The following TENM3 variants were observed in gnomAD, a reference collection of about 807,000 sequenced individuals.
TENM3 encodes the protein teneurin transmembrane protein 3, also known as teneurin-3.
Under a neutral mutation model 255.1 loss-of-function variants are expected in TENM3, and 63 were observed. The observed-to-expected ratio is 0.25, with a 90% CI of 0.20 to 0.30. The LOEUF (loss-of-function observed/expected upper bound fraction) is 0.30. Ranked by LOEUF, TENM3 falls within the 10% of genes least tolerant of loss-of-function variation. TENM3 has a pLI of 1.00. For missense variants in TENM3, 2,929 were observed against 3,461.1 expected (o/e 0.85, Z 3.86); for synonymous variants, 1,306 against 1,322.3 (o/e 0.99, Z 0.27).
At chr4:181,532,131 C>T in the TENM3 span, among the ~76,000 whole-genome samples, 9 of 152,036 alleles carry the variant, frequency 5.9e-5, no homozygotes, top group Non-Finnish European at 1.2e-4. Flanking sequence ...GGGGTCCCAC[C>T]GGCTGGGTTT....
Position 182,679,650 on chromosome 4 carries a change from C to G in TENM3, c.1327-16C>G. On this transcript the variant is annotated splice_polypyrimidine_tract_variant and intron_variant, in intron 7 of 27. Coordinates refer to ENST00000511685, the MANE Select transcript of TENM3 (RefSeq NM_001080477.4). ...CCCTTTATCTTTCTGACTATTTTTC[C>G]TCGTCCTCCCCCCAGTATGACTTCG... The G allele has an allele frequency of 2.5e-6, 4 of 1,595,366 alleles. No individual in the cohort carries two copies. The highest frequency in any genetic ancestry group is 3.4e-6 in the Non-Finnish European group (4 of 1,169,870).
intron 3 of TENM3, among the ~76,000 whole-genome samples, chr4:182,431,682 G>A (rs1771661000): frequency 6.6e-6 from 1 of 152,208 alleles, no homozygotes; most frequent in African/African-American, 2.4e-5. Context: ...GCCTGCAGGG[G>A]TCAGGGTGGC....
At chr4:182,366,611 T>A (rs1196253265) in intron 3 of TENM3, among the ~76,000 whole-genome samples, 1 of 152,192 alleles carries the variant, frequency 6.6e-6, no homozygotes, top group Non-Finnish European at 1.5e-5. Context: ...AATAAAAATT[T>A]GTGCAGTCAA....
At chr4:182,555,413 A>G (rs1742484857) in intron 3 of TENM3, among the ~76,000 whole-genome samples, 1 of 152,240 alleles carries the variant, frequency 6.6e-6, no homozygotes, top group Non-Finnish European at 1.5e-5. Context: ...GAAAAAAAAT[A>G]GTTGCCTAGA....
At chr4:182,400,883 G>A (rs953414277) in intron 3 of TENM3, among the ~76,000 whole-genome samples, 5 of 152,116 alleles carry the variant, frequency 3.3e-5, no homozygotes, top group African/African-American at 9.7e-5. Context: ...CAGGTTAACC[G>A]TGGATTCATG....
At chr4:182,749,949 C>A (rs541325384) in intron 19 of TENM3, among the ~76,000 whole-genome samples, 2 of 150,102 alleles carry the variant, frequency 1.3e-5, no homozygotes, top group South Asian at 4.3e-4. Flanking sequence ...ACCTGAAAGA[C>A]CAGCTGTGTC....
At chr4:182,667,343 A>C (rs1754788028) in intron 6 of TENM3, among the ~76,000 whole-genome samples, 1 of 151,994 alleles carries the variant, frequency 6.6e-6, no homozygotes, top group Non-Finnish European at 1.5e-5. Flanking sequence ...GGCGCCCGCC[A>C]CCACACCCAG....
chr4:181,807,686 A>G, the TENM3 span, among the ~76,000 whole-genome samples: 1 of 152,206 alleles, frequency 6.6e-6, no homozygotes, highest in Non-Finnish European at 1.5e-5. Flanking sequence ...ATCTTCCAGT[A>G]TAGGATTATT....
chr4:181,525,062 G>GT, the TENM3 span, among the ~76,000 whole-genome samples: 2 of 152,176 alleles, frequency 1.3e-5, no homozygotes, highest in African/African-American at 4.8e-5. Context: ...TTTTTAAGCA[G>GT]TTTTTTAAAA....
chr4:182,082,943 T>G, the TENM3 span, among the ~76,000 whole-genome samples: 4 of 152,178 alleles, frequency 2.6e-5, no homozygotes, highest in Admixed American at 2.0e-4. Flanking sequence ...TTCTCTTTTT[T>G]TGAGATGTCA....
chr4:182,200,164 C>G (rs919884553), intron 1 of TENM3, among the ~76,000 whole-genome samples: 5 of 152,088 alleles, frequency 3.3e-5, no homozygotes, highest in African/African-American at 4.8e-5. Flanking sequence ...GGGGGCGGAA[C>G]AACATGGGAA....
intron 6 of TENM3, among the ~76,000 whole-genome samples, chr4:182,671,207 T>TATAA (rs1481094621): frequency 2.6e-5 from 4 of 152,180 alleles, no homozygotes; most frequent in African/African-American, 7.2e-5. Flanking sequence ...AATCATTATG[T>TATAA]TACTCTCCCC....
the TENM3 span, among the ~76,000 whole-genome samples, chr4:181,730,397 G>A: frequency 1.3e-5 from 2 of 152,188 alleles, no homozygotes; most frequent in African/African-American, 4.8e-5. Context: ...AATCCGAGCC[G>A]ATGGCTCCTA....
At chr4:182,752,071 A>AC in intron 20 of TENM3, 39 bp downstream of exon 20, 1 of 1,045,712 alleles carries the variant, frequency 9.6e-7, no homozygotes, top group Non-Finnish European at 1.3e-6. Context: ...CTTTTTATTT[A>AC]TTAAAAAAAA....
At chr4:182,250,274 G>A (rs890041264) in intron 1 of TENM3, among the ~76,000 whole-genome samples, 11 of 151,840 alleles carry the variant, frequency 7.2e-5, no homozygotes, top group African/African-American at 1.9e-4. Flanking sequence ...GGATGGTCTC[G>A]ATCTCCTGAC....
chr4:182,104,717 T>C, the TENM3 span, among the ~76,000 whole-genome samples: 1 of 151,984 alleles, frequency 6.6e-6, no homozygotes, highest in Non-Finnish European at 1.5e-5. Flanking sequence ...TTTCACTATG[T>C]TGGCGAGGCT....
At chr4:182,556,891 T>C (rs1469164917) in intron 3 of TENM3, among the ~76,000 whole-genome samples, 3 of 152,324 alleles carry the variant, frequency 2.0e-5, no homozygotes, top group Admixed American at 2.0e-4. Flanking sequence ...GTGGATTCCC[T>C]AGAAGACAGG....
At chr4:181,902,731 A>C in the TENM3 span, among the ~76,000 whole-genome samples, 1 of 151,902 alleles carries the variant, frequency 6.6e-6, no homozygotes, top group Non-Finnish European at 1.5e-5. Context: ...ATGAGAGCAC[A>C]GGGAGGGGAA....
At chr4:181,971,631 A>G in the TENM3 span, among the ~76,000 whole-genome samples, 2 of 152,062 alleles carry the variant, frequency 1.3e-5, no homozygotes, top group East Asian at 3.9e-4. Context: ...CAGTGGCATG[A>G]TCATAGCTCA....
Sources: gnomAD v4.1 joint callset for allele counts (sites outside exome capture counted in the v4.1 genomes callset) on GRCh38, gnomAD v4.1.1 for gene constraint, MANE v1.5 for transcripts, NCBI Gene and HGNC (gene_info 2026-07-23, HGNC 2026-07-21) for gene names.